Variants in PLCE1 observed in about 807,000 individuals in gnomAD.
PLCE1 encodes the protein 1-phosphatidylinositol 4,5-bisphosphate phosphodiesterase epsilon-1.
PLCE1 carries 119 observed loss-of-function variants against 242.8 expected under a neutral mutation model. The observed-to-expected ratio is 0.49, with a 90% confidence interval of 0.42 to 0.57. The LOEUF (loss-of-function observed/expected upper bound fraction) is 0.57. Ranked by LOEUF, PLCE1 falls within the 20% of genes least tolerant of loss-of-function variation. The pLI is 0.00. For synonymous variants in PLCE1, 945 were observed against 1,017.4 expected (o/e 0.93, Z 1.35); for missense variants, 2,441 against 2,788.8 (o/e 0.88, Z 2.81).
chr10:94,148,993 T>C (rs1651893141), intron 3 of PLCE1, among the ~76,000 whole-genome samples: 1 of 152,218 alleles, frequency 6.6e-6, no homozygotes, highest in African/African-American at 2.4e-5. Flanking sequence ...CCCGGATCTT[T>C]AATCCCCTTG....
intron 13 of PLCE1, among the ~76,000 whole-genome samples, chr10:94,262,001 C>CTT (rs72217756): frequency 0.27 from 35,942 of 135,068 alleles, 4,893 homozygotes; most frequent in Middle Eastern, 0.35. Flanking sequence ...TCTTCTTTTC[C>CTT]TTTTTTTTTT....
At chr10:94,024,365 C>T (rs1344928113) in intron 1 of PLCE1, among the ~76,000 whole-genome samples, 1 of 152,126 alleles carries the variant, frequency 6.6e-6, no homozygotes, top group Admixed American at 6.6e-5. Context: ...GGTGAAATTA[C>T]TGAGTAACTT....
intron 4 of PLCE1, among the ~76,000 whole-genome samples, chr10:94,185,876 T>C (rs1313574620): frequency 6.6e-6 from 1 of 152,206 alleles, no homozygotes; most frequent in East Asian, 1.9e-4. Flanking sequence ...TGATGAAGTT[T>C]TGGAGGTAAT....
chr10:93,994,694 T>C (rs1260841308), intron 1 of PLCE1, among the ~76,000 whole-genome samples: 1 of 152,254 alleles, frequency 6.6e-6, no homozygotes, highest in Non-Finnish European at 1.5e-5. Flanking sequence ...CTAGAATAGC[T>C]AGCTTTGCCT....
intron 4 of PLCE1, among the ~76,000 whole-genome samples, chr10:94,206,542 T>G (rs1462682586): frequency 6.6e-6 from 1 of 152,246 alleles, no homozygotes; most frequent in Non-Finnish European, 1.5e-5. Flanking sequence ...TTTCCATTGC[T>G]CTATCTTATT....
chr10:94,146,836 A>T (rs1564731740), intron 3 of PLCE1, among the ~76,000 whole-genome samples: 2 of 152,196 alleles, frequency 1.3e-5, no homozygotes, highest in Non-Finnish European at 2.9e-5. Context: ...TGAACCTGTA[A>T]TGTGTACCAT....
intron 4 of PLCE1, among the ~76,000 whole-genome samples, chr10:94,207,236 A>G (rs1057492629): frequency 6.6e-5 from 10 of 152,328 alleles, no homozygotes; most frequent in African/African-American, 1.7e-4. Context: ...AGGATGCAGA[A>G]TGGAGAAGGG....
At chr10:94,022,112 T>A (rs967313135) in intron 1 of PLCE1, among the ~76,000 whole-genome samples, 5 of 151,928 alleles carry the variant, frequency 3.3e-5, no homozygotes, top group African/African-American at 9.7e-5. Context: ...ACAACTTTAT[T>A]TGAAGATGAG....
intron 2 of PLCE1, among the ~76,000 whole-genome samples, chr10:94,113,627 A>G (rs1429244377): frequency 2.0e-5 from 3 of 152,208 alleles, no homozygotes; most frequent in African/African-American, 7.2e-5. Flanking sequence ...CCATTTTACT[A>G]TTTTGAAATG....
intron 14 of PLCE1, among the ~76,000 whole-genome samples, chr10:94,264,709 A>T (rs2051450087): frequency 6.6e-6 from 1 of 151,788 alleles, no homozygotes; most frequent in African/African-American, 2.4e-5. Context: ...TTTACTAGAG[A>T]TGGGGTTTCA....
At chr10:94,181,592 A>G (rs1451150808) in intron 4 of PLCE1, among the ~76,000 whole-genome samples, 2 of 151,892 alleles carry the variant, frequency 1.3e-5, no homozygotes, top group Non-Finnish European at 2.9e-5. Flanking sequence ...ATAAAATAAA[A>G]TAAAATAAAA....
chr10:94,187,146 A>ATGTGTGTG (rs372501153), intron 4 of PLCE1, among the ~76,000 whole-genome samples: 4,144 of 145,408 alleles, frequency 0.028, 200 homozygotes, highest in African/African-American at 0.092. Context: ...TGAAACATAT[A>ATGTGTGTG]TGTGTGTGTG....
chr10:94,025,763 G>A (rs1437457768), intron 1 of PLCE1, among the ~76,000 whole-genome samples: 1 of 152,116 alleles, frequency 6.6e-6, no homozygotes, highest in Non-Finnish European at 1.5e-5. Flanking sequence ...AATATGAGAT[G>A]AGCCCATTTC....
chr10:94,003,890 G>C (rs1437828123), intron 1 of PLCE1, among the ~76,000 whole-genome samples: 1 of 152,208 alleles, frequency 6.6e-6, no homozygotes, highest in Non-Finnish European at 1.5e-5. Flanking sequence ...GCTCATGCCT[G>C]TAATCCCAGC....
At chr10:94,005,437 A>C (rs2061015464) in intron 1 of PLCE1, among the ~76,000 whole-genome samples, 1 of 152,212 alleles carries the variant, frequency 6.6e-6, no homozygotes, top group African/African-American at 2.4e-5. Flanking sequence ...TGCATTCCTC[A>C]TTCTATATCC....
intron 2 of PLCE1, among the ~76,000 whole-genome samples, chr10:94,056,057 G>T (rs536884987): frequency 6.6e-6 from 1 of 152,314 alleles, no homozygotes; most frequent in South Asian, 2.1e-4. Context: ...GATTTCTGTA[G>T]TGTGGCTATT....
intron 2 of PLCE1, among the ~76,000 whole-genome samples, chr10:94,111,871 GAAGGTTTATA>G (rs1433970076): frequency 6.6e-6 from 1 of 152,294 alleles, no homozygotes; most frequent in Non-Finnish European, 1.5e-5. Flanking sequence ...TAGTGCCGCC[GAAGGTTTATA>G]AAGGTTTATG....
intron 4 of PLCE1, among the ~76,000 whole-genome samples, chr10:94,218,912 T>G (rs2049621347): frequency 6.8e-6 from 1 of 147,036 alleles, no homozygotes; most frequent in South Asian, 2.1e-4. Flanking sequence ...ATAAAAAATC[T>G]GACTATAAAA....
intron 2 of PLCE1, among the ~76,000 whole-genome samples, chr10:94,075,290 C>T (rs2044469245): frequency 6.6e-6 from 1 of 152,202 alleles, no homozygotes; most frequent in African/African-American, 2.4e-5. Context: ...CTTCTTCTCC[C>T]CTCCATCTAA....
Sources: gnomAD v4.1 joint callset for allele counts (sites outside exome capture counted in the v4.1 genomes callset) on GRCh38, gnomAD v4.1.1 for gene constraint, MANE v1.5 for transcripts, NCBI Gene and HGNC (gene_info 2026-07-23, HGNC 2026-07-21) for gene names.